Variants in HECTD2 observed in about 807,000 individuals in gnomAD.
The protein encoded by HECTD2 is probable E3 ubiquitin-protein ligase HECTD2.
HECTD2 carries 35 observed loss-of-function variants against 103.2 expected under a neutral mutation model. The observed-to-expected ratio is 0.34, with a 90% CI of 0.26 to 0.45. HECTD2 has a LOEUF of 0.45. Among genes scored for constraint, HECTD2 ranks in the 20% least tolerant of loss-of-function variants. The pLI is 1.00. For synonymous variants in HECTD2, 281 were observed against 329.9 expected, an observed-to-expected ratio of 0.85 and a Z score of 1.61; for missense variants, 596 against 937.4, an observed-to-expected ratio of 0.64 and a Z score of 4.76.
intron 12 of HECTD2, 72 bp from the exon 13 acceptor site, chr10:91,492,280 C>A: frequency 7.1e-7 from 1 of 1,402,674 alleles, no homozygotes; most frequent in Non-Finnish European, 1.0e-6. Context: ...TAACACATTT[C>A]CCAGAATTAA....
At chr10:91,468,958 CAA>C (rs766467052) in intron 5 of HECTD2, among the ~76,000 whole-genome samples, 41 of 103,460 alleles carry the variant, frequency 4.0e-4, no homozygotes, top group East Asian at 2.6e-4. Context: ...AAAAAAAAAA[CAA>C]GAGTACAGTT....
At chr10:91,494,010 A>T (rs953914573) in intron 14 of HECTD2, among the ~76,000 whole-genome samples, 6 of 152,036 alleles carry the variant, frequency 3.9e-5, no homozygotes, top group Admixed American at 1.3e-4. Context: ...TAGTATTTTT[A>T]AAAATTTTAT....
chr10:91,484,357 T>A, intron 8 of HECTD2, 150 bp from the exon 9 acceptor site: 1 of 1,421,006 alleles, frequency 7.0e-7, no homozygotes, highest in East Asian at 2.5e-5. Flanking sequence ...TAAGATTTTG[T>A]ATCTTTTCAA....
At chr10:91,449,915 A>G (rs957003637) in intron 2 of HECTD2, among the ~76,000 whole-genome samples, 8 of 149,272 alleles carry the variant, frequency 5.4e-5, no homozygotes, top group Non-Finnish European at 8.8e-5. Flanking sequence ...GTGCTCATGG[A>G]TAGGAAGAAT....
chr10:91,427,240 C>T (rs1843607520), intron 2 of HECTD2, among the ~76,000 whole-genome samples: 1 of 151,806 alleles, frequency 6.6e-6, no homozygotes, highest in African/African-American at 2.4e-5. Context: ...TTTCTTAATC[C>T]AGTCTATCAT....
At chr10:91,474,299 C>T (rs866559464) in intron 5 of HECTD2, among the ~76,000 whole-genome samples, 7 of 152,124 alleles carry the variant, frequency 4.6e-5, no homozygotes, top group African/African-American at 1.2e-4. Context: ...AATTGAATAA[C>T]GAATATAAAT....
At chr10:91,428,579 A>T (rs1379992428) in intron 2 of HECTD2, among the ~76,000 whole-genome samples, 2 of 152,246 alleles carry the variant, frequency 1.3e-5, no homozygotes, top group East Asian at 1.9e-4. Context: ...GTTCTCCTTG[A>T]AGAGTTCCTT....
intron 2 of HECTD2, among the ~76,000 whole-genome samples, chr10:91,432,739 A>G (rs115524669): frequency 6.5e-4 from 99 of 152,148 alleles, no homozygotes; most frequent in African/African-American, 2.2e-3. Flanking sequence ...TTACCTTGAG[A>G]GCAAGCTCAT....
Position 91,487,952 on chromosome 10 carries a change from A to C in HECTD2, c.1191+174A>C, listed in dbSNP as rs111651622. The C allele has an allele frequency of 4.2e-5, 19 of 450,508 alleles. No individual in the cohort carries two copies. Among genetic ancestry groups the C allele is most frequent in the Middle Eastern group, 6.2e-4 (1 of 1,602 alleles). 27.9% of individuals were successfully genotyped at this position (450,508 alleles called of 1,614,324 possible). ...AAAACTATTTACAATTTGGGAGACA[A>C]GATAACTCTCATCTCTTCTGATCAA... On this transcript the variant is annotated intron_variant, in intron 11 of 20. Coordinates refer to ENST00000298068, the MANE Select transcript of HECTD2 (RefSeq NM_182765.6). This position sits in a 1 kb window ranked among gnomAD's most constrained non-coding sequence, Gnocchi z 4.1.
At chr10:91,455,514 C>T (rs1845047159) in intron 2 of HECTD2, among the ~76,000 whole-genome samples, 1 of 152,176 alleles carries the variant, frequency 6.6e-6, no homozygotes, top group East Asian at 1.9e-4. Context: ...TTCTCCCATT[C>T]TGTAGGTTGC....
At chr10:91,488,611 T>A (rs919859558) in intron 11 of HECTD2, 1 of 152,174 alleles carries the variant, frequency 6.6e-6, no homozygotes, top group Non-Finnish European at 1.5e-5. Flanking sequence ...GATTTCCATC[T>A]TGTTCAAGAG....
chr10:91,455,018 C>T (rs1177226636), intron 2 of HECTD2, among the ~76,000 whole-genome samples: 4 of 152,130 alleles, frequency 2.6e-5, no homozygotes, highest in East Asian at 1.9e-4. Flanking sequence ...TGAATAGTGC[C>T]GCAATAAACA....
At chr10:91,428,782 G>C (rs1260249290) in intron 2 of HECTD2, among the ~76,000 whole-genome samples, 1 of 152,040 alleles carries the variant, frequency 6.6e-6, no homozygotes, top group African/African-American at 2.4e-5. Context: ...TTTGGGCTGA[G>C]ACAATAGGGT....
chr10:91,440,464 C>T (rs1844365162), intron 2 of HECTD2, among the ~76,000 whole-genome samples: 1 of 151,440 alleles, frequency 6.6e-6, no homozygotes, highest in Non-Finnish European at 1.5e-5. Context: ...TGATGTGCTG[C>T]TACATTTGGT....
chr10:91,462,786 C>T, intron 5 of HECTD2: 1 of 984,270 alleles, frequency 1.0e-6, no homozygotes, highest in Non-Finnish European at 1.2e-6. Flanking sequence ...AGAATGACCA[C>T]ATTTTGAGAA....
intron 7 of HECTD2, among the ~76,000 whole-genome samples, chr10:91,481,757 G>C (rs927204393): frequency 1.3e-5 from 2 of 151,482 alleles, no homozygotes; most frequent in Admixed American, 1.3e-4. Context: ...ACCATAGCTA[G>C]CATACTATTA....
At chr10:91,475,986 A>G (rs1845886993) in intron 5 of HECTD2, among the ~76,000 whole-genome samples, 1 of 152,184 alleles carries the variant, frequency 6.6e-6, no homozygotes, top group Non-Finnish European at 1.5e-5. Context: ...GCTTTCTATT[A>G]GCTGAGCCCA....
intron 1 of HECTD2, among the ~76,000 whole-genome samples, chr10:91,422,293 G>GTC (rs1026890858): frequency 1.3e-5 from 2 of 151,984 alleles, no homozygotes; most frequent in African/African-American, 2.4e-5. Context: ...CTGTTGCTTA[G>GTC]TCTTAGATAA....
intron 2 of HECTD2, among the ~76,000 whole-genome samples, chr10:91,449,323 A>G (rs913031477): frequency 1.3e-5 from 2 of 152,194 alleles, no homozygotes; most frequent in African/African-American, 4.8e-5. Context: ...GATGTATAAA[A>G]GGCCTCGATA....
Sources: allele counts gnomAD v4.1 joint callset (sites outside exome capture counted in the v4.1 genomes callset), GRCh38; gene constraint gnomAD v4.1.1; non-coding constraint Gnocchi (gnomAD v3.1); transcripts MANE v1.5; gene names NCBI Gene and HGNC (gene_info 2026-07-23, HGNC 2026-07-21).